ADAM7: variants seen among roughly 807,000 people sequenced by gnomAD.
ADAM7 encodes the protein disintegrin and metalloproteinase domain-containing protein 7.
ADAM7 carries 97 observed loss-of-function variants against 102.9 expected under a neutral mutation model. That is an observed-to-expected ratio of 0.94 (90% CI 0.80 to 1.12). The LOEUF (loss-of-function observed/expected upper bound fraction) is 1.12. ADAM7 is among the 50% of genes most tolerant of loss of function. ADAM7 has a pLI of 0.00. For synonymous variants in ADAM7, 334 were observed against 304.4 expected (o/e 1.10, Z -1.01); for missense variants, 991 against 908.7 (o/e 1.09, Z -1.16).
intron 1 of ADAM7, 105 bp from the exon 2 acceptor site, chr8:24,442,368 T>A: frequency 2.5e-6 from 2 of 799,956 alleles, no homozygotes; most frequent in Middle Eastern, 4.5e-4. Context: ...TGTCCATGGC[T>A]GCTAACTGGG....
intron 3 of ADAM7, among the ~76,000 whole-genome samples, chr8:24,456,501 T>C (rs1301447469): frequency 2.0e-5 from 3 of 152,190 alleles, no homozygotes; most frequent in African/African-American, 7.2e-5. Context: ...ACAAGTGGAA[T>C]TGCTGGGTCC....
intron 3 of ADAM7, among the ~76,000 whole-genome samples, chr8:24,458,988 T>C (rs1016057739): frequency 6.6e-6 from 1 of 151,964 alleles, no homozygotes; most frequent in South Asian, 2.1e-4. Flanking sequence ...GGCTATTCTG[T>C]GTTTTTAGTT....
chr8:24,470,348 T>G lies in ADAM7; in HGVS notation c.633+1528T>G, dbSNP rs978173695. On this transcript the variant is annotated intron_variant, in intron 7 of 21. Coordinates refer to ENST00000175238, the MANE Select transcript of ADAM7 (RefSeq NM_003817.4). ...GAATTTTAGATTAGGAATGTAAAGG[T>G]AGTCACAATTTTACACTTCATAAGT... Among the ~76,000 whole-genome samples the G allele has an allele frequency of 5.3e-5, 8 of 152,080 alleles. No homozygotes were observed. The East Asian group carries it at 1.5e-3, about 29-fold the overall frequency.
At chr8:24,463,797 G>A in intron 3 of ADAM7, 85 bp from the exon 4 acceptor site, 1 of 1,155,942 alleles carries the variant, frequency 8.7e-7, no homozygotes, top group Non-Finnish European at 1.3e-6. Flanking sequence ...GAAGCAAACT[G>A]GACACTTCTC....
At chr8:24,451,701 G>C (rs1279204396) in intron 3 of ADAM7, among the ~76,000 whole-genome samples, 1 of 151,014 alleles carries the variant, frequency 6.6e-6, no homozygotes, top group African/African-American at 2.4e-5. Flanking sequence ...GCTTTTGACT[G>C]TGTTTGCTCT....
At chr8:24,446,380 T>C (rs1023782178) in intron 2 of ADAM7, among the ~76,000 whole-genome samples, 1 of 152,190 alleles carries the variant, frequency 6.6e-6, no homozygotes, top group Non-Finnish European at 1.5e-5. Flanking sequence ...ATATCTATTA[T>C]TGGTAAGAAG....
At chr8:24,441,821 G>T (rs1001822763) in intron 1 of ADAM7, among the ~76,000 whole-genome samples, 1 of 152,122 alleles carries the variant, frequency 6.6e-6, no homozygotes, top group Admixed American at 6.5e-5. Context: ...ATTCAAACAG[G>T]ACAACAGTGC....
chr8:24,455,338 T>A (rs1818991756), intron 3 of ADAM7, among the ~76,000 whole-genome samples: 1 of 152,228 alleles, frequency 6.6e-6, no homozygotes, highest in Non-Finnish European at 1.5e-5. Context: ...CATTTTAAAT[T>A]ATATTACAGA....
At chr8:24,505,457 A>G (rs183787435) in intron 20 of ADAM7, among the ~76,000 whole-genome samples, 2 of 152,292 alleles carry the variant, frequency 1.3e-5, no homozygotes, top group East Asian at 3.9e-4. Flanking sequence ...ATCCTCAAAC[A>G]TCACATTTAG....
intron 4 of ADAM7, among the ~76,000 whole-genome samples, chr8:24,465,399 T>C (rs1327614227): frequency 6.6e-6 from 1 of 152,148 alleles, no homozygotes; most frequent in Non-Finnish European, 1.5e-5. Flanking sequence ...AAAAGTAATA[T>C]TTCTAAGGAA....
chr8:24,466,116 A>G (rs904154230), intron 5 of ADAM7, among the ~76,000 whole-genome samples: 8 of 152,212 alleles, frequency 5.3e-5, no homozygotes, highest in Non-Finnish European at 7.3e-5. Context: ...TGCTAGTGGT[A>G]AAATTGAGCC....
At chr8:24,449,414 C>A (rs887937209) in intron 3 of ADAM7, among the ~76,000 whole-genome samples, 3 of 152,162 alleles carry the variant, frequency 2.0e-5, no homozygotes. Context: ...TGACGGTGAG[C>A]ATTTTTTCAT....
At chr8:24,442,129 A>C (rs1031748226) in intron 1 of ADAM7, among the ~76,000 whole-genome samples, 2 of 151,948 alleles carry the variant, frequency 1.3e-5, no homozygotes, top group African/African-American at 2.4e-5. Flanking sequence ...AGCCGAGATC[A>C]CGCCACTACA....
At chr8:24,492,680 T>G in intron 15 of ADAM7, 83 bp downstream of exon 15, 1 of 935,400 alleles carries the variant, frequency 1.1e-6, no homozygotes, top group Non-Finnish European at 1.6e-6. Flanking sequence ...CCAGACCTGT[T>G]AATCTCTTTT....
intron 3 of ADAM7, among the ~76,000 whole-genome samples, chr8:24,453,712 A>T (rs1818890652): frequency 6.6e-6 from 1 of 152,144 alleles, no homozygotes; most frequent in African/African-American, 2.4e-5. Flanking sequence ...GTTCCTTTGG[A>T]GGAGGAGAGG....
chr8:24,505,877 G>A (rs1272778074), intron 20 of ADAM7, among the ~76,000 whole-genome samples: 2 of 152,148 alleles, frequency 1.3e-5, no homozygotes, highest in South Asian at 2.1e-4. Flanking sequence ...ATTAGCGATA[G>A]TAAGATTTGG....
intron 3 of ADAM7, among the ~76,000 whole-genome samples, chr8:24,457,116 T>C (rs1297532716): frequency 1.3e-5 from 2 of 152,262 alleles, no homozygotes; most frequent in Admixed American, 6.5e-5. Flanking sequence ...CATCATTTTA[T>C]ACTGTCACTT....
At chr8:24,443,403 T>G (rs1818440341) in intron 2 of ADAM7, among the ~76,000 whole-genome samples, 3 of 152,208 alleles carry the variant, frequency 2.0e-5, no homozygotes. Context: ...TCCTATGGCT[T>G]GAGATGATTA....
Position 24,487,263 on chromosome 8 carries a change from A to G in ADAM7, c.1037A>G (p.Asp346Gly), listed in dbSNP as rs1376278430. 2.5e-6 allele frequency: 4 copies of G among 1,613,838 alleles called. No individual in the cohort carries two copies. Among genetic ancestry groups the G allele is most frequent in the Non-Finnish European group, 3.4e-6 (4 of 1,179,886 alleles). The change falls in exon 11 of 22, where the codon GAC becomes GGC. Residue 346 changes from aspartate to glycine, a missense_variant. Physicochemically the swap from Asp to Gly is moderately conservative, Grantham distance 94 (BLOSUM62 -1). Coordinates refer to ENST00000175238, the MANE Select transcript of ADAM7 (RefSeq NM_003817.4). Reference sequence around the variant, plus strand: ...GGGCATAACCTTGGGATGCAGCATGACGAGTTCCCATGCACCTGTCCTTCA... The same window carrying G: ...GGGCATAACCTTGGGATGCAGCATGGCGAGTTCCCATGCACCTGTCCTTCA... ...QLGHNLGMQH[D>G]EFPCTCPSGK... is the part of the protein sequence containing the mutation.
Sources: allele counts gnomAD v4.1 joint callset (sites outside exome capture counted in the v4.1 genomes callset), GRCh38; gene constraint gnomAD v4.1.1; transcripts MANE v1.5; gene names NCBI Gene and HGNC (gene_info 2026-07-23, HGNC 2026-07-21).